The following RRAS2 variants were observed in gnomAD, a reference collection of about 807,000 sequenced individuals.
RRAS2 encodes the protein RAS related 2, also known as ras-related protein R-Ras2.
Under a neutral mutation model 27.6 loss-of-function variants are expected in RRAS2, and 7 were observed. The ratio of observed to expected loss-of-function variants is 0.25; its 90% CI spans 0.14 to 0.48. The LOEUF is 0.48. RRAS2 is among the 20% of genes least tolerant of loss of function. The probability of loss-of-function intolerance (pLI) is 0.99; values close to 1 mark genes in which losing one functional copy is unlikely to be tolerated. For missense variants in RRAS2, 178 were observed against 256.2 expected (o/e 0.69, Z 2.08); for synonymous variants, 86 against 90.9 (o/e 0.95, Z 0.31).
Position 14,358,343 on chromosome 11 carries a change from G to A in RRAS2, c.108+420C>T. 2.0e-6 allele frequency: 2 copies of A among 985,558 alleles called. No individual in the cohort carries two copies. The highest frequency in any genetic ancestry group is 2.4e-6 in the Non-Finnish European group (2 of 830,028). 61.1% of individuals were successfully genotyped at this position (985,558 alleles called of 1,614,324 possible). On this transcript the variant is annotated intron_variant, in intron 1 of 5. Transcript: ENST00000256196. This position sits in a 1 kb window ranked among gnomAD's most constrained non-coding sequence, Gnocchi z 5.1. ...GCCAAGTTGCCACCGCTATCGCCCC[G>A]ACGGTGAAGGCGCGGCCGCAGGCGG...
chr11:14,295,155 C>T (rs139202456), intron 2 of RRAS2, among the ~76,000 whole-genome samples: 3,930 of 152,172 alleles, frequency 0.026, 80 homozygotes, highest in Middle Eastern at 0.037. Context: ...AGTCAGGTGA[C>T]CTCTAAAATC....
intron 1 of RRAS2, among the ~76,000 whole-genome samples, chr11:14,341,589 C>CAA (rs11452893): frequency 5.5e-5 from 8 of 145,206 alleles, no homozygotes; most frequent in South Asian, 2.2e-4. Flanking sequence ...TGAGAAGGAC[C>CAA]AAAAAAAAAA....
chr11:14,280,572 A>G (rs1849498449), intron 5 of RRAS2, among the ~76,000 whole-genome samples: 1 of 151,798 alleles, frequency 6.6e-6, no homozygotes, highest in South Asian at 2.1e-4. Flanking sequence ...CTAAAAATAC[A>G]AAGATTAGCT....
chr11:14,333,135 T>C (rs1046452223), intron 1 of RRAS2, among the ~76,000 whole-genome samples: 43 of 152,300 alleles, frequency 2.8e-4, no homozygotes, highest in African/African-American at 9.4e-4. Flanking sequence ...TATGTCATCA[T>C]ATATATTTCT....
intron 1 of RRAS2, among the ~76,000 whole-genome samples, chr11:14,357,306 C>G (rs1243096450): frequency 1.3e-5 from 2 of 152,080 alleles, no homozygotes; most frequent in Non-Finnish European, 2.9e-5. Flanking sequence ...CTCACCCCCA[C>G]CCTCCCTCAG....
chr11:14,304,882 C>T, intron 1 of RRAS2, among the ~76,000 whole-genome samples: 1 of 152,164 alleles, frequency 6.6e-6, no homozygotes, highest in East Asian at 1.9e-4. Context: ...CAACATCCTC[C>T]CTTATTTTTT....
rs1186055779 is a variant in RRAS2 at position 14,278,446 on chromosome 11, T to C, written c.*891A>G. On this transcript the variant is annotated 3_prime_UTR_variant, in exon 6 of 6. Transcript: ENST00000256196. ...CAAACATATAAAAATACTTGTTAAC[T>C]AGTTTGATAAGAAAATAATGTATAA... 6.6e-6 allele frequency: 1 copy of C among 152,262 alleles called. No individual in the cohort carries two copies. The highest frequency in any genetic ancestry group is 1.5e-5 in the Non-Finnish European group (1 of 68,036). The allele number at this position is 152,262 out of a possible 1,614,324, so 9.4% of individuals were successfully genotyped here.
At chr11:14,300,688 A>T (rs1392026082) in intron 1 of RRAS2, among the ~76,000 whole-genome samples, 1 of 152,170 alleles carries the variant, frequency 6.6e-6, no homozygotes, top group Non-Finnish European at 1.5e-5. Context: ...CTTACATGCC[A>T]CTAGATTGCA....
chr11:14,322,836 G>A (rs1369489936), intron 1 of RRAS2, among the ~76,000 whole-genome samples: 1 of 152,052 alleles, frequency 6.6e-6, no homozygotes, highest in Non-Finnish European at 1.5e-5. Context: ...TATAAAAAAT[G>A]ACCATCAATC....
At chr11:14,348,658 T>C (rs1848887020) in intron 1 of RRAS2, among the ~76,000 whole-genome samples, 1 of 152,252 alleles carries the variant, frequency 6.6e-6, no homozygotes, top group African/African-American at 2.4e-5. Context: ...GGCTGGCTCC[T>C]GTGTCTCTTT....
intron 1 of RRAS2, among the ~76,000 whole-genome samples, chr11:14,345,249 G>A (rs557433904): frequency 6.6e-6 from 1 of 152,190 alleles, no homozygotes; most frequent in Admixed American, 6.5e-5. Flanking sequence ...GCCTCCCAAA[G>A]TGCTGGGATT....
At chr11:14,327,060 CAAAAAAAAAA>C (rs201334157) in intron 1 of RRAS2, among the ~76,000 whole-genome samples, 1 of 39,782 alleles carries the variant, frequency 2.5e-5, no homozygotes, top group Non-Finnish European at 6.6e-5. Context: ...GACTCTGTCT[CAAAAAAAAAA>C]AAAAAAAAAA....
chr11:14,334,711 G>A (rs1848556629), intron 1 of RRAS2, among the ~76,000 whole-genome samples: 1 of 151,394 alleles, frequency 6.6e-6, no homozygotes, highest in South Asian at 2.1e-4. Context: ...AAAAAAAAAA[G>A]TATATTATTC....
chr11:14,349,609 T>C (rs181075502), intron 1 of RRAS2, among the ~76,000 whole-genome samples: 35 of 152,272 alleles, frequency 2.3e-4, no homozygotes, highest in Admixed American at 2.0e-3. Context: ...CCACAATATA[T>C]TTACTTATTT....
intron 1 of RRAS2, among the ~76,000 whole-genome samples, chr11:14,319,484 G>A (rs537931557): frequency 4.0e-5 from 6 of 148,696 alleles, no homozygotes; most frequent in East Asian, 2.1e-4. Context: ...TCAGCCTCCC[G>A]AGTAGCTGGG....
At position 14,358,423 on chromosome 11, in the gene RRAS2, G is replaced by A. The variant is rs1045693302; in HGVS notation, c.108+340C>T. ...CCAGCCCCACGCCCGGACCCTCGGA[G>A]CAGTAAAGCCCGGCTCGGTGGCCCA... On this transcript the variant is annotated intron_variant, in intron 1 of 5. Transcript: ENST00000256196. The surrounding 1 kb of genome is among the most constrained non-coding windows in gnomAD (Gnocchi z 5.1). 13 of 985,442 alleles carry A rather than the reference G, an allele frequency of 1.3e-5. No homozygotes were observed. The highest frequency in any genetic ancestry group is 1.2e-4 in the Admixed American group (2 of 16,264). The allele number at this position is 985,442 out of a possible 1,614,324, so 61.0% of individuals were successfully genotyped here.
chr11:14,336,412 G>A (rs570204849), intron 1 of RRAS2, among the ~76,000 whole-genome samples: 48 of 151,898 alleles, frequency 3.2e-4, no homozygotes, highest in African/African-American at 1.1e-3. Context: ...CACCAACATC[G>A]AGATAACAAA....
chr11:14,356,934 C>A (rs1554955523), intron 1 of RRAS2, among the ~76,000 whole-genome samples: 2 of 151,600 alleles, frequency 1.3e-5, no homozygotes, highest in African/African-American at 4.8e-5. Flanking sequence ...ACTACAGGCG[C>A]GCGCCACCAT....
chr11:14,353,357 G>A (rs1474303066), intron 1 of RRAS2, among the ~76,000 whole-genome samples: 7 of 152,102 alleles, frequency 4.6e-5, no homozygotes, highest in Admixed American at 6.6e-5. Flanking sequence ...AGGCCCAGGC[G>A]GGTGGATCAC....
Sources: allele counts gnomAD v4.1 joint callset (sites outside exome capture counted in the v4.1 genomes callset), GRCh38; gene constraint gnomAD v4.1.1; non-coding constraint Gnocchi (gnomAD v3.1); transcripts MANE v1.5; gene names NCBI Gene and HGNC (gene_info 2026-07-23, HGNC 2026-07-21).